Variants in GRIA1 observed in about 807,000 individuals in gnomAD.
GRIA1 encodes the protein glutamate receptor 1.
A neutral mutation model predicts 99.2 loss-of-function variants in GRIA1; 31 were observed. That is an observed-to-expected ratio of 0.31 (90% CI 0.23 to 0.42). GRIA1 has a LOEUF of 0.42. Among genes scored for constraint, GRIA1 ranks in the 10% least tolerant of loss-of-function variants. The probability of loss-of-function intolerance (pLI) is 1.00; values close to 1 mark genes in which losing one functional copy is unlikely to be tolerated. For missense variants in GRIA1, 782 were observed against 1,157.5 expected, an observed-to-expected ratio of 0.68 and a Z score of 4.71; for synonymous variants, 438 against 432.4, an observed-to-expected ratio of 1.01 and a Z score of -0.16.
intron 8 of GRIA1, among the ~76,000 whole-genome samples, chr5:153,692,954 A>G (rs911848507): frequency 6.6e-6 from 1 of 152,204 alleles, no homozygotes; most frequent in Non-Finnish European, 1.5e-5. Flanking sequence ...ACTCAGATAA[A>G]GTTACACATA....
chr5:153,599,833 A>G (rs1010694302), intron 2 of GRIA1, among the ~76,000 whole-genome samples: 1 of 152,142 alleles, frequency 6.6e-6, no homozygotes, highest in Non-Finnish European at 1.5e-5. Context: ...AGATAGTTAA[A>G]GATCCAGAGA....
intron 2 of GRIA1, among the ~76,000 whole-genome samples, chr5:153,499,961 T>C (rs1754830549): frequency 6.6e-6 from 1 of 152,208 alleles, no homozygotes; most frequent in Non-Finnish European, 1.5e-5. Flanking sequence ...CACCACACTA[T>C]GTTCTCAGCT....
At chr5:153,670,127 G>A (rs936841865) in intron 5 of GRIA1, among the ~76,000 whole-genome samples, 1 of 152,152 alleles carries the variant, frequency 6.6e-6, no homozygotes, top group African/African-American at 2.4e-5. Flanking sequence ...CAGTTTATTG[G>A]TCAATTTCTT....
rs564540921 is a variant in GRIA1 at position 153,723,719 on chromosome 5, T to C, written c.1823+17652T>C. On this transcript the variant is annotated intron_variant, in intron 11 of 15. Coordinates refer to ENST00000285900, the MANE Select transcript of GRIA1 (RefSeq NM_000827.4). ...GGCCCCCGCCATTGCCCAGGCTTGC[T>C]TAGGTAAACAAAGCAGCCAGGAAGC... Among the ~76,000 whole-genome samples, 827 of 151,726 alleles carry C rather than the reference T, an allele frequency of 5.5e-3. 13 individuals carry two copies. Among genetic ancestry groups the C allele is most frequent in the African/African-American group, 0.019 (790 of 41,390 alleles).
At chr5:153,530,755 A>G (rs376599095) in intron 2 of GRIA1, among the ~76,000 whole-genome samples, 4 of 152,348 alleles carry the variant, frequency 2.6e-5, no homozygotes, top group African/African-American at 9.6e-5. Flanking sequence ...TCTGGGCAGG[A>G]AAAGCTCACT....
chr5:153,743,700 G>A (rs1213834168), intron 11 of GRIA1, among the ~76,000 whole-genome samples: 4 of 152,090 alleles, frequency 2.6e-5, no homozygotes, highest in Non-Finnish European at 5.9e-5. Flanking sequence ...CATAGATTAG[G>A]TACGCCCAGA....
chr5:153,689,067 T>A lies in GRIA1; in HGVS notation c.1134+2738T>A, dbSNP rs1757553358. Among the ~76,000 whole-genome samples, 4 of 151,858 alleles carry A rather than the reference T, an allele frequency of 2.6e-5. No individual in the cohort carries two copies. The South Asian group carries it at 8.3e-4, about 32-fold the overall frequency. Reference sequence around the variant, plus strand: ...TTTTTGAGGCAGGGTCTCGCTCTCTTGCCCAGGCTGGAGTGCAGTGGTACT... The same window carrying A: ...TTTTTGAGGCAGGGTCTCGCTCTCTAGCCCAGGCTGGAGTGCAGTGGTACT... On this transcript the variant is annotated intron_variant, in intron 8 of 15. Transcript: ENST00000285900.
intron 2 of GRIA1, among the ~76,000 whole-genome samples, chr5:153,585,187 C>A (rs1436819018): frequency 6.6e-6 from 1 of 151,998 alleles, no homozygotes; most frequent in Non-Finnish European, 1.5e-5. Flanking sequence ...ACAGCAGGTG[C>A]CTTGGCACCA....
chr5:153,707,391 C>A (rs1487448878), intron 11 of GRIA1, among the ~76,000 whole-genome samples: 1 of 152,158 alleles, frequency 6.6e-6, no homozygotes, highest in Non-Finnish European at 1.5e-5. Context: ...ATTTACTGAC[C>A]TCCTGTTCTT....
chr5:153,663,638 A>G (rs919795198), intron 5 of GRIA1, among the ~76,000 whole-genome samples: 7 of 152,202 alleles, frequency 4.6e-5, no homozygotes, highest in African/African-American at 1.7e-4. Context: ...TAACTCTGTC[A>G]CTTACTCATG....
intron 11 of GRIA1, among the ~76,000 whole-genome samples, chr5:153,752,676 G>T (rs1762577071): frequency 6.6e-6 from 1 of 152,198 alleles, no homozygotes; most frequent in African/African-American, 2.4e-5. Flanking sequence ...GACCAGCAGT[G>T]TCTGCCATAT....
chr5:153,738,851 T>C (rs1432168657), intron 11 of GRIA1, among the ~76,000 whole-genome samples: 3 of 151,630 alleles, frequency 2.0e-5, no homozygotes, highest in Non-Finnish European at 4.4e-5. Context: ...GCCTACCAAG[T>C]AGCTGGGATT....
At chr5:153,622,622 C>A (rs1767164410) in intron 2 of GRIA1, among the ~76,000 whole-genome samples, 1 of 152,108 alleles carries the variant, frequency 6.6e-6, no homozygotes, top group Admixed American at 6.5e-5. Context: ...AGCAGGCTTT[C>A]TTCTCTGAGA....
intron 2 of GRIA1, among the ~76,000 whole-genome samples, chr5:153,570,299 T>A (rs1762003578): frequency 6.6e-6 from 1 of 152,234 alleles, no homozygotes; most frequent in African/African-American, 2.4e-5. Flanking sequence ...CCTATTTAGA[T>A]GCTAATTGGC....
chr5:153,634,234 C>T (rs993454870), intron 2 of GRIA1, among the ~76,000 whole-genome samples: 9 of 150,922 alleles, frequency 6.0e-5, no homozygotes, highest in Admixed American at 5.3e-4. Context: ...AGGAGAATGG[C>T]GTGAACCCGG....
intron 12 of GRIA1, among the ~76,000 whole-genome samples, chr5:153,767,071 G>T (rs1659954124): frequency 6.6e-6 from 1 of 152,090 alleles, no homozygotes; most frequent in Non-Finnish European, 1.5e-5. Flanking sequence ...TGATATCAGT[G>T]TCTCTCATGT....
chr5:153,671,148 G>T lies in GRIA1; in HGVS notation c.700-3352G>T, dbSNP rs1025705101. On this transcript the variant is annotated intron_variant, in intron 5 of 15. Transcript: ENST00000285900. The stretch of plus-strand genomic sequence containing the variant: ...TTTGATCATAAGTAATTAAGGTTTG[G>T]CTGCACTAACCTTGTTGTCAGACAT... Among the ~76,000 whole-genome samples, 4 of 152,118 alleles carry T rather than the reference G, an allele frequency of 2.6e-5. No homozygotes were observed. In the East Asian group the frequency reaches 7.7e-4, roughly 29 times the overall value.
intron 5 of GRIA1, among the ~76,000 whole-genome samples, chr5:153,670,375 T>A (rs1756068902): frequency 6.6e-6 from 1 of 152,130 alleles, no homozygotes; most frequent in African/African-American, 2.4e-5. Flanking sequence ...TAGACCTGCA[T>A]TCTTGTGCTG....
chr5:153,766,864 A>G (rs956662873), intron 12 of GRIA1, among the ~76,000 whole-genome samples: 1 of 152,222 alleles, frequency 6.6e-6, no homozygotes, highest in African/African-American at 2.4e-5. Flanking sequence ...GTCAGTTGAC[A>G]TATTACTGCC....
Sources: allele counts gnomAD v4.1 joint callset (sites outside exome capture counted in the v4.1 genomes callset), GRCh38; gene constraint gnomAD v4.1.1; transcripts MANE v1.5; gene names NCBI Gene and HGNC (gene_info 2026-07-23, HGNC 2026-07-21).